CNOT6: variants seen among roughly 807,000 people sequenced by gnomAD.
CNOT6 encodes the protein CCR4-NOT transcription complex subunit 6.
CNOT6 carries 12 observed loss-of-function variants against 61.2 expected under a neutral mutation model. The ratio of observed to expected loss-of-function variants is 0.20; its 90% CI spans 0.13 to 0.32. CNOT6 has a LOEUF of 0.32. CNOT6 is among the 10% of genes least tolerant of loss of function. The pLI is 1.00. For synonymous variants in CNOT6, 225 were observed against 240.6 expected (o/e 0.94, Z 0.60); for missense variants, 405 against 663.9 (o/e 0.61, Z 4.28).
chr5:180,509,833 T>G (rs899092918), intron 1 of CNOT6, among the ~76,000 whole-genome samples: 3 of 151,188 alleles, frequency 2.0e-5, no homozygotes, highest in African/African-American at 4.8e-5. Context: ...TTGGTGTTTT[T>G]TTTTTTTTTT....
Position 180,577,624 on chromosome 5 carries a change from T to C in CNOT6, c.*3424T>C, listed in dbSNP as rs757346936. On this transcript the variant is annotated 3_prime_UTR_variant, in exon 12 of 12. Coordinates refer to ENST00000261951, the MANE Select transcript of CNOT6 (RefSeq NM_001370472.1). ...GTTACATACATTTTAATAACTGGTA[T>C]GTTGAAGTAGTGTCTAAAAGTATCT... 9 of 152,676 alleles carry C rather than the reference T, an allele frequency of 5.9e-5. No homozygotes were observed. Among genetic ancestry groups the C allele is most frequent in the Non-Finnish European group, 1.2e-4 (8 of 68,042 alleles). 9.5% of individuals were successfully genotyped at this position (152,676 alleles called of 1,614,324 possible). A position where few individuals can be genotyped will look rare whatever the true frequency, so the allele number is the denominator to read the frequency against.
chr5:180,500,187 G>A (rs1306946095), intron 1 of CNOT6, among the ~76,000 whole-genome samples: 2 of 151,630 alleles, frequency 1.3e-5, no homozygotes, highest in African/African-American at 2.4e-5. Flanking sequence ...AGGCTGGAGT[G>A]ATGATGACTT....
intron 1 of CNOT6, among the ~76,000 whole-genome samples, chr5:180,511,541 G>A (rs1470427742): frequency 6.6e-6 from 1 of 151,472 alleles, no homozygotes; most frequent in Non-Finnish European, 1.5e-5. Context: ...AACCCGGGAG[G>A]CAGAGGTTGC....
intron 1 of CNOT6, among the ~76,000 whole-genome samples, chr5:180,511,744 C>G (rs1757405772): frequency 6.6e-6 from 1 of 151,564 alleles, no homozygotes; most frequent in Non-Finnish European, 1.5e-5. Flanking sequence ...CCAGCCTGGG[C>G]AACAGAGTGA....
chr5:180,549,536 G>C (rs1022730859), intron 2 of CNOT6, among the ~76,000 whole-genome samples: 4 of 152,070 alleles, frequency 2.6e-5, no homozygotes, highest in Non-Finnish European at 4.4e-5. Context: ...TGTAATCCCA[G>C]CTACTTGGAG....
intron 4 of CNOT6, among the ~76,000 whole-genome samples, chr5:180,556,682 GT>G (rs1225859009): frequency 6.6e-6 from 1 of 152,250 alleles, no homozygotes; most frequent in Non-Finnish European, 1.5e-5. Context: ...CCCGGGCGCA[GT>G]GGCTCACGCC....
chr5:180,537,817 T>G (rs1167854977), intron 2 of CNOT6, among the ~76,000 whole-genome samples: 1 of 151,668 alleles, frequency 6.6e-6, no homozygotes, highest in Admixed American at 6.6e-5. Flanking sequence ...TTTTTTTTTT[T>G]TGGTGTAAAT....
At chr5:180,514,215 A>C (rs1757532051) in intron 1 of CNOT6, among the ~76,000 whole-genome samples, 2 of 151,594 alleles carry the variant, frequency 1.3e-5, no homozygotes, top group South Asian at 4.2e-4. Context: ...TGAGGTCAGG[A>C]GTTCGAGATC....
intron 1 of CNOT6, chr5:180,495,727 G>A (rs1036018850): frequency 6.6e-6 from 1 of 152,200 alleles, no homozygotes; most frequent in African/African-American, 2.4e-5. Context: ...GAGGAAGAGA[G>A]TGAATATGAA....
chr5:180,566,297 C>T (rs975725665), intron 7 of CNOT6, among the ~76,000 whole-genome samples: 2 of 152,330 alleles, frequency 1.3e-5, no homozygotes, highest in East Asian at 3.9e-4. Flanking sequence ...CTATAACTTG[C>T]ATTGCCGACC....
At chr5:180,566,954 C>T (rs938829495) in intron 7 of CNOT6, 134 bp from the exon 8 acceptor site, 31 of 859,944 alleles carry the variant, frequency 3.6e-5, no homozygotes, top group South Asian at 1.1e-4. Flanking sequence ...ATGCCCGGCC[C>T]GGAAAGATGT....
Position 180,550,077 on chromosome 5 carries a change from C to A in CNOT6, c.259C>A (p.Arg87Ser). Residue 87 changes from arginine (R) to serine (S), a missense_variant, in exon 3 of 12, where the codon CGT (arginine) becomes AGT (serine). Around this residue, in one of 5 missense-constraint regions of CNOT6, gnomAD observed 212 missense variants for 307.1 expected, o/e 0.69. Transcript: ENST00000261951. ...TTTGGACCTGTCATCTAATAAAATT[C>A]GTAGCTTACCCGCAGAACTCGGAAA... ...VYLDLSSNKI[R>S]SLPAELGNMV... 6.2e-7 allele frequency: 1 copy of A among 1,614,048 alleles called. No individual in the cohort carries two copies. The highest frequency in any genetic ancestry group is 8.5e-7 in the Non-Finnish European group (1 of 1,179,978).
chr5:180,522,793 A>T (rs1319791658), intron 1 of CNOT6, among the ~76,000 whole-genome samples: 1 of 152,046 alleles, frequency 6.6e-6, no homozygotes, highest in East Asian at 1.9e-4. Flanking sequence ...GAGGTGGGAG[A>T]GGGCATGGAA....
At chr5:180,538,319 G>A (rs554250605) in intron 2 of CNOT6, among the ~76,000 whole-genome samples, 15 of 151,308 alleles carry the variant, frequency 9.9e-5, no homozygotes, top group South Asian at 2.1e-4. Context: ...GATGACAGGC[G>A]TGAGCCACCG....
Position 180,529,221 on chromosome 5 carries a change from T to A in CNOT6, c.-2-54T>A. 3.6e-6 allele frequency: 3 copies of A among 841,386 alleles called. No homozygotes were observed. In the South Asian group the frequency reaches 4.7e-5, roughly 13 times the overall value. The allele number at this position is 841,386 out of a possible 1,614,324, so 52.1% of individuals were successfully genotyped here. The stretch of plus-strand genomic sequence containing the variant: ...TCAAAAAAAAAAAAAAAAGGTGTTG[T>A]GGCTTTTGTTTATTTGATTTTTTAG... On this transcript the variant is annotated intron_variant, in intron 1 of 11. Transcript: ENST00000261951.
chr5:180,552,399 T>C lies in CNOT6; in HGVS notation c.300-987T>C, dbSNP rs571612644. On this transcript the variant is annotated intron_variant, in intron 3 of 11. Transcript: ENST00000261951. ...TCAAGCCTATAATCCCAGCACACTT[T>C]GGGAGGCCGAGGCGGGCGGATCACA... Among the ~76,000 whole-genome samples, 67 of 151,350 alleles carry C rather than the reference T, an allele frequency of 4.4e-4. 1 individual carries two copies. The South Asian group carries it at 0.014, about 31-fold the overall frequency.
At chr5:180,512,730 G>T (rs1285348416) in intron 1 of CNOT6, among the ~76,000 whole-genome samples, 2 of 152,104 alleles carry the variant, frequency 1.3e-5, no homozygotes, top group Admixed American at 1.3e-4. Context: ...CCGAGTAGCT[G>T]GGATTACAGG....
At chr5:180,516,982 C>T (rs909419607) in intron 1 of CNOT6, among the ~76,000 whole-genome samples, 2 of 152,192 alleles carry the variant, frequency 1.3e-5, no homozygotes, top group South Asian at 2.1e-4. Context: ...GTTCTTCCTC[C>T]ATAGTATTGG....
intron 1 of CNOT6, among the ~76,000 whole-genome samples, chr5:180,506,984 T>C (rs1757159775): frequency 6.6e-6 from 1 of 152,162 alleles, no homozygotes; most frequent in South Asian, 2.1e-4. Flanking sequence ...GTAGACATGT[T>C]TTCGAGGTTT....
Sources: allele counts gnomAD v4.1 joint callset (sites outside exome capture counted in the v4.1 genomes callset), GRCh38; gene constraint gnomAD v4.1.1; regional missense constraint gnomAD v4.1.1; transcripts MANE v1.5; gene names NCBI Gene and HGNC (gene_info 2026-07-23, HGNC 2026-07-21).